Variants in RTL9 observed in about 807,000 individuals in gnomAD.
RTL9 encodes retrotransposon Gag-like protein 9.
A neutral mutation model predicts 44.7 loss-of-function variants in RTL9; 19 were observed. The ratio of observed to expected loss-of-function variants is 0.42; its 90% CI spans 0.30 to 0.62. The LOEUF is 0.62. Ranked by LOEUF, RTL9 falls within the 20% of genes least tolerant of loss-of-function variation. RTL9 has a pLI of 0.16. For synonymous variants in RTL9, 407 were observed against 398.9 expected, an observed-to-expected ratio of 1.02 and a Z score of -0.24; for missense variants, 1,105 against 1,080.6, an observed-to-expected ratio of 1.02 and a Z score of -0.32.
chrX:110,454,609 G>A (rs1356517180), exon 1 of RTL9: 7 of 1,207,186 alleles, frequency 5.8e-6, no homozygotes, highest in Admixed American at 2.2e-5. Context: ...GCCTGTAAGC[G>A]GAATAATGAG....
intron 1 of RTL9, among the ~76,000 whole-genome samples, chrX:110,411,662 G>A (rs1455733385): frequency 8.9e-6 from 1 of 112,053 alleles, no homozygotes; most frequent in Non-Finnish European, 1.9e-5. Context: ...AAGTGGAAAG[G>A]CAACATATAA....
chrX:110,389,742 G>A (rs2068482081), intron 1 of RTL9, among the ~76,000 whole-genome samples: 1 of 110,565 alleles, frequency 9.0e-6, no homozygotes, highest in Admixed American at 9.7e-5. Flanking sequence ...GGGAGAAAAG[G>A]AAGAAGAGAG....
chrX:110,408,000 A>T (rs1447731821), intron 1 of RTL9, among the ~76,000 whole-genome samples: 1 of 112,565 alleles, frequency 8.9e-6, no homozygotes, highest in African/African-American at 3.2e-5. Context: ...AGAGTGGAAG[A>T]GCTGGCATAT....
chrX:110,361,949 A>G (rs2068266493), intron 1 of RTL9, among the ~76,000 whole-genome samples: 1 of 111,915 alleles, frequency 8.9e-6, no homozygotes, highest in Non-Finnish European at 1.9e-5. Flanking sequence ...TTACCAAAAC[A>G]GGGAGCGGGC....
intron 1 of RTL9, among the ~76,000 whole-genome samples, chrX:110,441,739 A>G (rs746654092): frequency 8.9e-6 from 1 of 112,068 alleles, no homozygotes; most frequent in East Asian, 2.8e-4. Context: ...TGAGCTTGCC[A>G]CAGAATTTCA....
intron 1 of RTL9, among the ~76,000 whole-genome samples, chrX:110,407,385 A>C (rs766858638): frequency 5.3e-5 from 6 of 112,257 alleles, no homozygotes; most frequent in Non-Finnish European, 9.4e-5. Context: ...GGTCTAGAAG[A>C]TACAGTGCAA....
intron 1 of RTL9, among the ~76,000 whole-genome samples, chrX:110,375,781 T>C (rs931139173): frequency 1.7e-4 from 19 of 112,155 alleles, no homozygotes; most frequent in African/African-American, 5.8e-4. Flanking sequence ...GCTAATGATT[T>C]CAAGTTTTCT....
intron 1 of RTL9, among the ~76,000 whole-genome samples, chrX:110,384,629 T>C (rs186161275): frequency 4.0e-3 from 447 of 111,263 alleles, no homozygotes; most frequent in African/African-American, 0.014. Context: ...TTCCTAAGAA[T>C]CCAGAGGAAA....
At chrX:110,390,089 T>G (rs758066866) in intron 1 of RTL9, among the ~76,000 whole-genome samples, 1 of 111,816 alleles carries the variant, frequency 8.9e-6, no homozygotes, top group East Asian at 2.8e-4. Context: ...GCAAGTTGTA[T>G]GTGGGAGGAT....
intron 1 of RTL9, among the ~76,000 whole-genome samples, chrX:110,386,130 C>A (rs2068453270): frequency 9.1e-6 from 1 of 110,203 alleles, no homozygotes; most frequent in African/African-American, 3.3e-5. Flanking sequence ...GTTTTTAAAT[C>A]TCTTGGGTAT....
At chrX:110,429,776 C>A (rs947788032) in intron 1 of RTL9, among the ~76,000 whole-genome samples, 2 of 112,210 alleles carry the variant, frequency 1.8e-5, no homozygotes, top group African/African-American at 6.5e-5. Flanking sequence ...AGCCACCATG[C>A]CTGGCTAGAA....
upstream of RTL9, among the ~76,000 whole-genome samples, chrX:110,416,945 C>T (rs2068681827): frequency 8.9e-6 from 1 of 112,189 alleles, no homozygotes; most frequent in Non-Finnish European, 1.9e-5. Flanking sequence ...CTCCCGATAT[C>T]TTCATTTACT....
At chrX:110,403,455 G>A (rs939501051) in intron 1 of RTL9, among the ~76,000 whole-genome samples, 2 of 111,507 alleles carry the variant, frequency 1.8e-5, no homozygotes, top group African/African-American at 6.5e-5. Flanking sequence ...CAGACAGACA[G>A]ACACACACAC....
exon 1 of RTL9, chrX:110,451,150 G>T: frequency 8.3e-7 from 1 of 1,211,925 alleles, no homozygotes; most frequent in Non-Finnish European, 1.1e-6. Flanking sequence ...GGAGTGGTGT[G>T]TACACCTATA....
intron 1 of RTL9, among the ~76,000 whole-genome samples, chrX:110,408,575 C>G (rs1450141060): frequency 8.9e-6 from 1 of 112,232 alleles, no homozygotes; most frequent in Non-Finnish European, 1.9e-5. Context: ...TGCCCCGACC[C>G]CACAGTTTTA....
intron 1 of RTL9, among the ~76,000 whole-genome samples, chrX:110,407,406 T>G (rs1425790409): frequency 8.9e-6 from 1 of 111,757 alleles, no homozygotes; most frequent in Non-Finnish European, 1.9e-5. Context: ...ATATATAGGA[T>G]AGGACAGGTA....
At chrX:110,417,221 T>C (rs907429014), upstream of RTL9, among the ~76,000 whole-genome samples, 1 of 111,970 alleles carries the variant, frequency 8.9e-6, no homozygotes, top group Non-Finnish European at 1.9e-5. Flanking sequence ...GCCTAGACAA[T>C]GGCGGCTGCT....
chrX:110,389,288 G>GT (rs1190299417), intron 1 of RTL9, among the ~76,000 whole-genome samples: 6 of 112,575 alleles, frequency 5.3e-5, no homozygotes, highest in East Asian at 2.8e-4. Context: ...ACACTTGGCT[G>GT]TTTTTTTGTA....
At chrX:110,431,716 T>A (rs1269615285) in intron 1 of RTL9, among the ~76,000 whole-genome samples, 2 of 111,765 alleles carry the variant, frequency 1.8e-5, no homozygotes, top group Non-Finnish European at 3.8e-5. Flanking sequence ...CTGGGGCGCA[T>A]ACAGCAGGCC....
Sources: allele counts gnomAD v4.1 joint callset (sites outside exome capture counted in the v4.1 genomes callset), GRCh38; gene constraint gnomAD v4.1.1; transcripts MANE v1.5; gene names NCBI Gene and HGNC (gene_info 2026-07-23, HGNC 2026-07-21).